The following ABCA9 variants were observed in gnomAD, a reference collection of about 807,000 sequenced individuals.
The protein encoded by ABCA9 is ATP-binding cassette sub-family A member 9.
In ABCA9, 183 loss-of-function variants were observed where a neutral mutation model predicts 205.3. The observed-to-expected ratio is 0.89, with a 90% CI of 0.79 to 1.01. The LOEUF is 1.01. Among genes scored for constraint, ABCA9 ranks in the 50% least tolerant of loss-of-function variants. The pLI, the probability that ABCA9 is intolerant of heterozygous loss-of-function variation, is 0.00. For synonymous variants in ABCA9, 651 were observed against 683.3 expected (o/e 0.95, Z 0.74); for missense variants, 1,805 against 1,912.4 (o/e 0.94, Z 1.05).
Position 68,992,175 on chromosome 17 carries a change from C to A in ABCA9, c.3716G>T (p.Arg1239Ile). Residue 1239 changes from arginine (R) to isoleucine (I), a missense_variant and splice_region_variant, in exon 28 of 39, where the codon AGA (arginine) becomes ATA (isoleucine). Coordinates refer to ENST00000340001, the MANE Select transcript of ABCA9 (RefSeq NM_080283.4). ...KKLMRKDPVF[R>I]ISPRSNAIFP... The stretch of plus-strand genomic sequence containing the variant: ...TGAAATTCGATTTGATTTTCTCAAC[C>A]TGAACACAGGATCCTTTCTCATTAG... The A allele has an allele frequency of 6.4e-7, 1 of 1,568,878 alleles. No homozygotes were observed. The highest frequency in any genetic ancestry group is 8.7e-7 in the Non-Finnish European group (1 of 1,155,434).
chr17:69,024,606 G>C (rs148785016), intron 16 of ABCA9, among the ~76,000 whole-genome samples: 23 of 152,242 alleles, frequency 1.5e-4, no homozygotes, highest in Non-Finnish European at 1.5e-5. Flanking sequence ...TTGGAGAAAT[G>C]AGATATTAAG....
chr17:69,035,115 C>T, intron 8 of ABCA9, 131 bp downstream of exon 8: 2 of 772,116 alleles, frequency 2.6e-6, no homozygotes, highest in Non-Finnish European at 3.7e-6. Context: ...ATTAAAGTCA[C>T]TCCTGTCTCA....
At chr17:69,003,487 A>G (rs4493129) in intron 25 of ABCA9, among the ~76,000 whole-genome samples, 79,110 of 121,958 alleles carry the variant, frequency 0.65, 26,000 homozygotes, top group Middle Eastern at 0.74. Flanking sequence ...CGAGAGATCC[A>G]CTGTTAGTCT....
chr17:69,071,784 T>A, the ABCA9 span, among the ~76,000 whole-genome samples: 1 of 152,124 alleles, frequency 6.6e-6, no homozygotes, highest in Non-Finnish European at 1.5e-5. Flanking sequence ...AGATGGGTAA[T>A]AACAAACTCC....
Position 69,017,809 on chromosome 17 carries a change from A to T in ABCA9, c.2768-20T>A. The T allele has an allele frequency of 6.2e-7, 1 of 1,608,510 alleles. No homozygotes were observed. Among genetic ancestry groups the T allele is most frequent in the Non-Finnish European group, 8.5e-7 (1 of 1,176,618 alleles). On this transcript the variant is annotated intron_variant, in intron 20 of 38. Coordinates refer to ENST00000340001, the MANE Select transcript of ABCA9 (RefSeq NM_080283.4). ...TTGACCCTACATGAAGGCAAAGATT[A>T]AAGGAAGCAAAAATGAAATAAAACA...
At chr17:69,036,108 C>G (rs956330054) in intron 6 of ABCA9, among the ~76,000 whole-genome samples, 1 of 152,098 alleles carries the variant, frequency 6.6e-6, no homozygotes. Flanking sequence ...TTTCTCAGCT[C>G]TGGACAAGTT....
At chr17:68,995,070 G>A (rs1178428270) in intron 26 of ABCA9, among the ~76,000 whole-genome samples, 2 of 152,000 alleles carry the variant, frequency 1.3e-5, no homozygotes, top group Admixed American at 6.6e-5. Flanking sequence ...CATTAAAATC[G>A]ACCTTGTGAA....
In ABCA9 at chr17:68,975,735, C is replaced by A; in HGVS notation, c.*180G>T. On this transcript the variant is annotated 3_prime_UTR_variant, in exon 39 of 39. Transcript: ENST00000340001. The stretch of plus-strand genomic sequence containing the variant: ...GCATGGTATGGCTTAGGCTTATGCC[C>A]TATGATCGCCCTCACTGACATCGCC... 1.7e-6 allele frequency: 1 copy of A among 588,380 alleles called. No homozygotes were observed. The highest frequency in any genetic ancestry group is 2.1e-5 in the South Asian group (1 of 48,546). The allele number at this position is 588,380 out of a possible 1,614,324, so 36.4% of individuals were successfully genotyped here.
intron 26 of ABCA9, among the ~76,000 whole-genome samples, chr17:68,995,506 C>T (rs1448225144): frequency 1.3e-5 from 2 of 152,158 alleles, no homozygotes; most frequent in African/African-American, 2.4e-5. Context: ...CTAGCTTTAA[C>T]CCCCATCTCC....
the ABCA9 span, among the ~76,000 whole-genome samples, chr17:69,078,155 TTG>T: frequency 2.6e-5 from 4 of 151,878 alleles, no homozygotes; most frequent in East Asian, 7.7e-4. Flanking sequence ...GCTTGTCTAC[TTG>T]TGTGTCCAAG....
chr17:68,989,994 A>C, intron 29 of ABCA9, 64 bp from the exon 30 acceptor site: 12 of 1,092,102 alleles, frequency 1.1e-5, no homozygotes, highest in African/African-American at 1.6e-5. Flanking sequence ...GGTGTTCCAC[A>C]CTCTTGTCAC....
chr17:68,976,039 G>A (rs746122852), intron 38 of ABCA9, 26 bp from the exon 39 acceptor site: 2 of 1,608,256 alleles, frequency 1.2e-6, no homozygotes, highest in Non-Finnish European at 8.5e-7. Context: ...GAAATAAAGA[G>A]AGGAGAACAA....
At position 68,995,905 on chromosome 17, in the gene ABCA9, A is replaced by C. The variant is rs1567924319; in HGVS notation, c.3545T>G (p.Ile1182Ser). 1 of 1,613,716 alleles carries C rather than the reference A, an allele frequency of 6.2e-7. No homozygotes were observed. Among genetic ancestry groups the C allele is most frequent in the Non-Finnish European group, 8.5e-7 (1 of 1,179,918 alleles). Residue 1182 changes from isoleucine (I) to serine (S), a missense_variant, in exon 26 of 39, where the codon ATT (isoleucine) becomes AGT (serine). By Grantham distance (142) the Ile-to-Ser change is moderately radical. Transcript: ENST00000340001. ...AGTGGAACTACTTACCTCAGAAAAA[A>C]TGAATAGAGAGCCAATCAATGTGAA... ...PPFTLIGSLF[I>S]FSEISPDSMD...
At position 69,028,657 on chromosome 17, in the gene ABCA9, T is replaced by TAA; in HGVS notation, c.1505-13_1505-12insTT. ...GTCAAACACCACACCTGGCATGATT[T>TAA]TAAAAAAAATTACACTCAGAGCCTA... On this transcript the variant is annotated splice_polypyrimidine_tract_variant and intron_variant, in intron 11 of 38. Coordinates refer to ENST00000340001, the MANE Select transcript of ABCA9 (RefSeq NM_080283.4). 1 of 1,472,650 alleles carries TAA rather than the reference T, an allele frequency of 6.8e-7. No individual in the cohort carries two copies. The highest frequency in any genetic ancestry group is 9.2e-7 in the Non-Finnish European group (1 of 1,087,304). The allele number at this position is 1,472,650 out of a possible 1,614,324, so 91.2% of individuals were successfully genotyped here. A position where few individuals can be genotyped will look rare whatever the true frequency, so the allele number is the denominator to read the frequency against.
intron 22 of ABCA9, among the ~76,000 whole-genome samples, chr17:69,015,310 C>A (rs546030762): frequency 6.6e-6 from 1 of 152,188 alleles, no homozygotes; most frequent in African/African-American, 2.4e-5. Flanking sequence ...TCCTTCATAA[C>A]AAAAAGTAAC....
chr17:69,045,440 A>G (rs1020532178), intron 3 of ABCA9, 104 bp from the exon 4 acceptor site: 16 of 672,408 alleles, frequency 2.4e-5, no homozygotes, highest in Non-Finnish European at 3.1e-5. Context: ...TTCCTTCCTA[A>G]AGGCAGTGCT....
At position 68,978,917 on chromosome 17, in the gene ABCA9, C is replaced by G. The variant is rs537219194; in HGVS notation, c.4721-2727G>C. On this transcript the variant is annotated intron_variant, in intron 37 of 38. Transcript: ENST00000340001. Reference sequence around the variant, plus strand: ...TCTCTCACCACTCCTATTCAACATACTGTTGGAAGTTCTGGCCAGGGCAAT... The same window carrying G: ...TCTCTCACCACTCCTATTCAACATAGTGTTGGAAGTTCTGGCCAGGGCAAT... 1.2e-4 allele frequency among the ~76,000 whole-genome samples: 18 copies of G among 151,962 alleles called. No homozygotes were observed. In the East Asian group the frequency reaches 1.4e-3, roughly 11 times the overall value.
intron 3 of ABCA9, among the ~76,000 whole-genome samples, chr17:69,047,272 C>T (rs144663013): frequency 2.0e-4 from 30 of 150,522 alleles, no homozygotes; most frequent in African/African-American, 7.1e-4. Flanking sequence ...TGATTTTGTG[C>T]ATAAAACAAA....
intron 18 of ABCA9, among the ~76,000 whole-genome samples, chr17:69,021,010 G>T (rs2070790390): frequency 6.6e-6 from 1 of 152,010 alleles, no homozygotes; most frequent in African/African-American, 2.4e-5. Flanking sequence ...ATATAACCAT[G>T]GTTAAAAGCA....
Sources: gnomAD v4.1 joint callset for allele counts (sites outside exome capture counted in the v4.1 genomes callset) on GRCh38, gnomAD v4.1.1 for gene constraint, MANE v1.5 for transcripts, NCBI Gene and HGNC (gene_info 2026-07-23, HGNC 2026-07-21) for gene names.